The following MYRIP variants were observed in gnomAD, a reference collection of about 807,000 sequenced individuals.
MYRIP encodes rab effector MyRIP.
In MYRIP, 49 loss-of-function variants were observed where a neutral mutation model predicts 98.0. The observed-to-expected ratio is 0.50, with a 90% CI of 0.40 to 0.63. MYRIP has a LOEUF of 0.63. MYRIP is among the 30% of genes least tolerant of loss of function. The probability of loss-of-function intolerance (pLI) is 0.00; values close to 1 mark genes in which losing one functional copy is unlikely to be tolerated. For synonymous variants in MYRIP, 404 were observed against 409.5 expected (o/e 0.99, Z 0.16); for missense variants, 1,004 against 1,058.2 (o/e 0.95, Z 0.71).
chr3:39,958,198 C>T (rs1205260523), intron 2 of MYRIP, among the ~76,000 whole-genome samples: 1 of 152,054 alleles, frequency 6.6e-6, no homozygotes, highest in Non-Finnish European at 1.5e-5. Flanking sequence ...CATACGGAAC[C>T]AAAAAAGAAC....
chr3:40,101,452 T>C (rs1176615753), intron 3 of MYRIP, among the ~76,000 whole-genome samples: 1 of 152,206 alleles, frequency 6.6e-6, no homozygotes, highest in Admixed American at 6.5e-5. Flanking sequence ...AACCATTTCA[T>C]TTTGGATAGC....
chr3:39,902,951 G>A (rs943564407), intron 2 of MYRIP, among the ~76,000 whole-genome samples: 3 of 152,204 alleles, frequency 2.0e-5, no homozygotes, highest in Non-Finnish European at 4.4e-5. Flanking sequence ...GCATGGTTAT[G>A]GGAACCTGCT....
intron 11 of MYRIP, among the ~76,000 whole-genome samples, chr3:40,229,089 T>G (rs1442117246): frequency 3.3e-5 from 5 of 152,212 alleles, no homozygotes; most frequent in African/African-American, 1.2e-4. Context: ...TTACAAAGAT[T>G]GCTAACGAGC....
At chr3:39,949,052 G>T (rs1407314489) in intron 2 of MYRIP, among the ~76,000 whole-genome samples, 2 of 152,142 alleles carry the variant, frequency 1.3e-5, no homozygotes, top group Admixed American at 6.6e-5. Context: ...GATCATGAAG[G>T]AAGCATGTCA....
Position 40,083,819 on chromosome 3 carries a change from A to G in MYRIP, c.332+39548A>G, listed in dbSNP as rs1199208903. Among the ~76,000 whole-genome samples, 3 of 152,046 alleles carry G rather than the reference A, an allele frequency of 2.0e-5. No homozygotes were observed. In the East Asian group the frequency reaches 5.8e-4, roughly 29 times the overall value. ...CTGTGAATTCCTTATCTGGGGAAAC[A>G]TTCCTTCAGGAAGGAAAGGAATATC... On this transcript the variant is annotated intron_variant, in intron 3 of 16. Coordinates refer to ENST00000302541, the MANE Select transcript of MYRIP (RefSeq NM_015460.4).
intron 1 of MYRIP, among the ~76,000 whole-genome samples, chr3:39,811,629 CTG>C (rs1940695819): frequency 6.6e-6 from 1 of 151,928 alleles, no homozygotes; most frequent in Admixed American, 6.6e-5. Context: ...GGGCCAGAAG[CTG>C]TGTCTGTGGG....
chr3:40,186,291 T>C (rs1951032968), intron 9 of MYRIP, among the ~76,000 whole-genome samples: 1 of 152,134 alleles, frequency 6.6e-6, no homozygotes, highest in Non-Finnish European at 1.5e-5. Flanking sequence ...CTTTGCATCA[T>C]GTGGGCGTCT....
intron 2 of MYRIP, among the ~76,000 whole-genome samples, chr3:39,984,383 C>T (rs1048127103): frequency 2.6e-5 from 4 of 152,178 alleles, no homozygotes; most frequent in African/African-American, 7.2e-5. Flanking sequence ...GCCCTCCCCC[C>T]ATCCCACAAC....
intron 3 of MYRIP, among the ~76,000 whole-genome samples, chr3:40,092,787 C>G (rs886067653): frequency 2.6e-5 from 4 of 152,170 alleles, no homozygotes; most frequent in Non-Finnish European, 5.9e-5. Context: ...TTATTTGGCT[C>G]TGAAATCCAA....
At chr3:40,102,170 C>T (rs1278243238) in intron 3 of MYRIP, among the ~76,000 whole-genome samples, 1 of 152,140 alleles carries the variant, frequency 6.6e-6, no homozygotes, top group Non-Finnish European at 1.5e-5. Flanking sequence ...TGCCTGGAGC[C>T]CTGGTCTCAG....
intron 3 of MYRIP, 60 bp from the exon 4 acceptor site, chr3:40,150,988 G>A: frequency 7.0e-7 from 1 of 1,427,486 alleles, no homozygotes; most frequent in Non-Finnish European, 9.4e-7. Context: ...CATTGCAGCA[G>A]TTTTGCAATT....
At chr3:39,940,419 A>G (rs952077308) in intron 2 of MYRIP, among the ~76,000 whole-genome samples, 1 of 152,116 alleles carries the variant, frequency 6.6e-6, no homozygotes, top group African/African-American at 2.4e-5. Flanking sequence ...ACATTGGATT[A>G]TATTATTCAA....
chr3:39,920,074 G>C (rs1944273738), intron 2 of MYRIP, among the ~76,000 whole-genome samples: 1 of 151,770 alleles, frequency 6.6e-6, no homozygotes, highest in South Asian at 2.1e-4. Flanking sequence ...TAAAATGAAA[G>C]CCCTATATTA....
chr3:40,166,854 G>A lies in MYRIP; in HGVS notation c.559G>A (p.Val187Met). 1 of 1,610,384 alleles carries A rather than the reference G, an allele frequency of 6.2e-7. No individual in the cohort carries two copies. The highest frequency in any genetic ancestry group is 1.1e-5 in the South Asian group (1 of 90,988). Reference sequence around the variant, plus strand: ...TTCTGTTTCCTGTCTAGGACATAGTGTGATGGACACCTTGGCTGTGGCCCT... The same window carrying A: ...TTCTGTTTCCTGTCTAGGACATAGTATGATGGACACCTTGGCTGTGGCCCT... ...TFYRQSEGHS[V>M]MDTLAVALRV... is the part of the protein sequence containing the mutation. Residue 187 changes from valine (V) to methionine (M), a missense_variant, in exon 6 of 17, where the codon GTG (valine) becomes ATG (methionine). Val to Met is a conservative substitution (Grantham distance 21). This residue lies in a region of MYRIP where 880 missense variants were observed against 907.7 expected (regional missense o/e 0.97). Transcript: ENST00000302541.
intron 2 of MYRIP, among the ~76,000 whole-genome samples, chr3:39,957,521 A>G (rs1945199434): frequency 6.6e-6 from 1 of 152,160 alleles, no homozygotes; most frequent in Non-Finnish European, 1.5e-5. Context: ...TATTGATGGG[A>G]TGTATCTCAA....
intron 9 of MYRIP, among the ~76,000 whole-genome samples, chr3:40,182,610 C>T (rs1186916493): frequency 6.6e-6 from 1 of 152,176 alleles, no homozygotes; most frequent in Non-Finnish European, 1.5e-5. Flanking sequence ...CTTAGGGTGT[C>T]ATCATATTCT....
chr3:40,083,972 C>T (rs1328941873), intron 3 of MYRIP, among the ~76,000 whole-genome samples: 4 of 151,230 alleles, frequency 2.6e-5, no homozygotes, highest in Admixed American at 6.6e-5. Context: ...CCCGTCTCTA[C>T]GAAAAATACA....
chr3:40,167,649 A>C (rs551507441), intron 7 of MYRIP, among the ~76,000 whole-genome samples: 1 of 152,266 alleles, frequency 6.6e-6, no homozygotes, highest in South Asian at 2.1e-4. Flanking sequence ...CCAGTCCCAC[A>C]AGACTGCCCC....
At chr3:39,813,280 G>A (rs1251596930) in intron 1 of MYRIP, among the ~76,000 whole-genome samples, 1 of 152,210 alleles carries the variant, frequency 6.6e-6, no homozygotes, top group Non-Finnish European at 1.5e-5. Context: ...CCCGGGAGAT[G>A]TGGGGATGTT....
Sources: gnomAD v4.1 joint callset for allele counts (sites outside exome capture counted in the v4.1 genomes callset) on GRCh38, gnomAD v4.1.1 for gene constraint, gnomAD v4.1.1 regional missense constraint, MANE v1.5 for transcripts, NCBI Gene and HGNC (gene_info 2026-07-23, HGNC 2026-07-21) for gene names.